Variants in PZP observed in about 807,000 individuals in gnomAD.
PZP encodes the protein PZP alpha-2-macroglobulin like, also known as pregnancy zone protein.
In PZP, 150 loss-of-function variants were observed where a neutral mutation model predicts 179.8. The observed-to-expected ratio is 0.83, with a 90% CI of 0.73 to 0.96. The LOEUF (loss-of-function observed/expected upper bound fraction) is 0.96, where lower values mean the gene tolerates loss of function less well. PZP is among the 40% of genes least tolerant of loss of function. The pLI, the probability that PZP is intolerant of heterozygous loss-of-function variation, is 0.00. For missense variants in PZP, 1,689 were observed against 1,764.0 expected (o/e 0.96, Z 0.76); for synonymous variants, 624 against 652.3 (o/e 0.96, Z 0.66).
At chr12:9,194,293 A>AC in intron 10 of PZP, 55 bp from the exon 11 acceptor site, 1 of 1,521,498 alleles carries the variant, frequency 6.6e-7, no homozygotes, top group Admixed American at 1.9e-5. Context: ...AGAGGACTGA[A>AC]CTCATGTGAA....
At chr12:9,186,322 C>A (rs567236062) in intron 13 of PZP, among the ~76,000 whole-genome samples, 117 of 152,280 alleles carry the variant, frequency 7.7e-4, no homozygotes, top group Middle Eastern at 3.4e-3. Context: ...AGTACACAGA[C>A]CAGTGACACT....
chr12:9,175,334 T>C (rs1345949339), intron 15 of PZP, among the ~76,000 whole-genome samples: 1 of 152,132 alleles, frequency 6.6e-6, no homozygotes, highest in Non-Finnish European at 1.5e-5. Flanking sequence ...AATACTTAAA[T>C]GTGAAACCCA....
intron 15 of PZP, among the ~76,000 whole-genome samples, chr12:9,177,698 T>G (rs1942486204): frequency 1.3e-5 from 2 of 152,256 alleles, no homozygotes; most frequent in Non-Finnish European, 2.9e-5. Flanking sequence ...GCGACCACGC[T>G]TAAACGTTTC....
Position 9,172,348 on chromosome 12 carries a change from C to T in PZP, c.1840-2757G>A, listed in dbSNP as rs190167735. Among the ~76,000 whole-genome samples the T allele has an allele frequency of 9.2e-5, 14 of 152,110 alleles. 1 individual carries two copies. The highest frequency in any genetic ancestry group is 4.1e-4 in the South Asian group (2 of 4,822). On this transcript the variant is annotated intron_variant, in intron 15 of 35. Coordinates refer to ENST00000261336, the MANE Select transcript of PZP (RefSeq NM_002864.3). ...GCAAGAGCTCCTGAAGAAAGCACTA[C>T]GTTTGGAAAAGAAAGACCATTACCA...
intron 22 of PZP, among the ~76,000 whole-genome samples, chr12:9,161,599 A>G (rs1461071144): frequency 6.6e-6 from 1 of 152,206 alleles, no homozygotes; most frequent in African/African-American, 2.4e-5. Context: ...AGCAATATTA[A>G]GACTTATAAC....
rs751590401 is a variant in PZP at position 9,196,265 on chromosome 12, C to T, written c.1092+65G>A. 2.7e-6 allele frequency: 3 copies of T among 1,106,680 alleles called. No homozygotes were observed. In the South Asian group the frequency reaches 4.2e-5, roughly 15 times the overall value. 68.6% of individuals were successfully genotyped at this position (1,106,680 alleles called of 1,614,324 possible). Reference sequence around the variant, plus strand: ...AACACTAACCAAGTGTGGGCTGCATCATTGTGTCCTGTGCTTAGGTGCAAC... The same window carrying T: ...AACACTAACCAAGTGTGGGCTGCATTATTGTGTCCTGTGCTTAGGTGCAAC... On this transcript the variant is annotated intron_variant, in intron 10 of 35. Coordinates refer to ENST00000261336, the MANE Select transcript of PZP (RefSeq NM_002864.3).
At chr12:9,197,444 C>T (rs1021710953) in intron 7 of PZP, among the ~76,000 whole-genome samples, 34 of 127,790 alleles carry the variant, frequency 2.7e-4, no homozygotes, top group South Asian at 1.6e-3. Flanking sequence ...TATTGGAGTA[C>T]TGCTTAATAA....
rs1332090533 is a variant in PZP at position 9,160,345 on chromosome 12, G to A, written c.3018C>T (p.Ile1006=). ...TGAGATAGCCAACGGCCTTGGCCTT[G>A]ATCTCCTGCGTCAGCTGCTGGGTTT... ...LNETQQLTQE[I]KAKAVGYLIT... The change falls in exon 24 of 36, where the codon ATC becomes ATT. Residue 1006 remains isoleucine (I), a synonymous_variant. Transcript: ENST00000261336. 6 of 1,613,938 alleles carry A rather than the reference G, an allele frequency of 3.7e-6. No individual in the cohort carries two copies. Among genetic ancestry groups the A allele is most frequent in the Admixed American group, 1.7e-5 (1 of 59,982 alleles).
intron 15 of PZP, among the ~76,000 whole-genome samples, chr12:9,177,986 CTTG>C (rs1386808182): frequency 6.6e-6 from 1 of 152,182 alleles, no homozygotes; most frequent in East Asian, 1.9e-4. Context: ...GGGTTAACTT[CTTG>C]TTGTTTCTTC....
At chr12:9,141,266 CA>C in the PZP span, among the ~76,000 whole-genome samples, 3 of 152,098 alleles carry the variant, frequency 2.0e-5, no homozygotes, top group Non-Finnish European at 4.4e-5. Flanking sequence ...CAAAGAAAGC[CA>C]AACACCATTT....
At position 9,150,709 on chromosome 12, in the gene PZP, A is replaced by C; in HGVS notation, c.4319T>G (p.Leu1440Arg). ...NQTLSFSFMV[L>R]QDIPVGDLKP... ...CAAGTCTCCTACTGGGATGTCTTGC[A>C]GAACCATGAAGGAAAAACTTAGCGT... Residue 1440 changes from leucine (L) to arginine (R), a missense_variant, in exon 34 of 36, where the codon CTG becomes CGG. By Grantham distance (102) the Leu-to-Arg change is moderately radical. Transcript: ENST00000261336. 1 of 1,613,132 alleles carries C rather than the reference A, an allele frequency of 6.2e-7. No homozygotes were observed. Among genetic ancestry groups the C allele is most frequent in the Non-Finnish European group, 8.5e-7 (1 of 1,179,352 alleles).
chr12:9,159,298 A>T (rs1940996419), intron 25 of PZP, among the ~76,000 whole-genome samples: 1 of 152,178 alleles, frequency 6.6e-6, no homozygotes, highest in South Asian at 2.1e-4. Context: ...GCCACTTATT[A>T]GATGTTTGCT....
chr12:9,196,362 G>C lies in PZP; in HGVS notation c.1060C>G (p.His354Asp), dbSNP rs976171989. 1 of 1,612,890 alleles carries C rather than the reference G, an allele frequency of 6.2e-7. No homozygotes were observed. The highest frequency in any genetic ancestry group is 8.5e-7 in the Non-Finnish European group (1 of 1,178,956). ...AAAAAGGGGATTCCTTGTCTAAAGTGTGAATCCACTTTCACGAATTTGAGT... is the reference window on the plus strand; with the variant it reads ...AAAAAGGGGATTCCTTGTCTAAAGTCTGAATCCACTTTCACGAATTTGAGT... ...SKLKFVKVDS[H>D]FRQGIPFFAQ... The change falls in exon 10 of 36, where the codon CAC becomes GAC. Residue 354 changes from histidine to aspartate, a missense_variant. Physicochemically the swap from His to Asp is moderately conservative, Grantham distance 81. Around this residue, in one of 3 missense-constraint regions of PZP, gnomAD observed 742 missense variants for 730.5 expected, o/e 1.02. Transcript: ENST00000261336.
In PZP at chr12:9,150,663, G is replaced by A; in HGVS notation, c.4365C>T (p.Val1455=). 1 of 1,607,502 alleles carries A rather than the reference G, an allele frequency of 6.2e-7. No individual in the cohort carries two copies. The highest frequency in any genetic ancestry group is 8.5e-7 in the Non-Finnish European group (1 of 1,174,712). Residue 1455 remains valine, a synonymous_variant, in exon 34 of 36, where the codon GTC becomes GTT. Transcript: ENST00000261336. ...ACTCACCTGTCTCATAGTAATCATA[G>A]ACTTTAACAATTGCTGGCTTCAAGT... is the stretch of plus-strand genomic sequence containing the variant. The part of the protein sequence containing the change: ...VGDLKPAIVK[V]YDYYETDESV...
intron 6 of PZP, 147 bp from the exon 7 acceptor site, chr12:9,200,595 T>A (rs1419239717): frequency 1.4e-6 from 1 of 710,304 alleles, no homozygotes; most frequent in African/African-American, 1.8e-5. Flanking sequence ...ATGGTAAGGT[T>A]TAACAATTCA....
intron 21 of PZP, among the ~76,000 whole-genome samples, chr12:9,163,232 C>T (rs749558554): frequency 6.7e-6 from 1 of 149,628 alleles, no homozygotes; most frequent in African/African-American, 2.5e-5. Context: ...AAGGGAGGAT[C>T]ACGAGGTCAG....
intron 6 of PZP, 104 bp downstream of exon 6, chr12:9,200,788 T>C (rs745800894): frequency 2.5e-6 from 3 of 1,211,640 alleles, no homozygotes; most frequent in African/African-American, 1.5e-5. Flanking sequence ...TAAGTCTGAC[T>C]CTACTGCAAG....
chr12:9,197,934 ATATAT>A (rs373620140), intron 7 of PZP, among the ~76,000 whole-genome samples: 3,258 of 132,128 alleles, frequency 0.025, 139 homozygotes, highest in African/African-American at 0.086. Context: ...TAAGTTATCT[ATATAT>A]TATATTTATA....
At chr12:9,138,491 G>A in the PZP span, among the ~76,000 whole-genome samples, 16 of 151,476 alleles carry the variant, frequency 1.1e-4, no homozygotes, top group Admixed American at 9.2e-4. Context: ...GTCCTTGTCT[G>A]GCTTTGGTAG....
Sources: gnomAD v4.1 joint callset for allele counts (sites outside exome capture counted in the v4.1 genomes callset) on GRCh38, gnomAD v4.1.1 for gene constraint, gnomAD v4.1.1 regional missense constraint, MANE v1.5 for transcripts, NCBI Gene and HGNC (gene_info 2026-07-23, HGNC 2026-07-21) for gene names.